The following DAPK1 variants were observed in gnomAD, a reference collection of about 807,000 sequenced individuals.
DAPK1 encodes the protein death-associated protein kinase 1.
In DAPK1, 56 loss-of-function variants were observed where a neutral mutation model predicts 144.9. The observed-to-expected ratio is 0.39, with a 90% CI of 0.31 to 0.48. The LOEUF (loss-of-function observed/expected upper bound fraction) is 0.48. Among genes scored for constraint, DAPK1 ranks in the 20% least tolerant of loss-of-function variants. The pLI, the probability that DAPK1 is intolerant of heterozygous loss-of-function variation, is 0.95. For missense variants in DAPK1, 1,454 were observed against 1,875.4 expected (o/e 0.78, Z 4.15); for synonymous variants, 690 against 749.0 (o/e 0.92, Z 1.29).
At chr9:87,649,304 T>C (rs922616404) in intron 15 of DAPK1, among the ~76,000 whole-genome samples, 7 of 152,176 alleles carry the variant, frequency 4.6e-5, no homozygotes, top group African/African-American at 9.7e-5. Context: ...CTCTCATCGG[T>C]GCATATATGT....
intron 2 of DAPK1, among the ~76,000 whole-genome samples, chr9:87,584,299 T>C (rs2118845217): frequency 6.6e-6 from 1 of 152,342 alleles, no homozygotes; most frequent in African/African-American, 2.4e-5. Flanking sequence ...CTCTTACCAT[T>C]TTTTCTGGCC....
At chr9:87,622,170 T>TC (rs1829318309) in intron 3 of DAPK1, among the ~76,000 whole-genome samples, 1 of 151,888 alleles carries the variant, frequency 6.6e-6, no homozygotes, top group Non-Finnish European at 1.5e-5. Flanking sequence ...TTATGGTACC[T>TC]CCCCCATCCA....
intron 2 of DAPK1, among the ~76,000 whole-genome samples, chr9:87,547,030 G>A (rs1049757465): frequency 6.6e-6 from 1 of 152,122 alleles, no homozygotes; most frequent in African/African-American, 2.4e-5. Context: ...GTTGGCATGC[G>A]CCTATAGTCC....
chr9:87,645,540 ATACC>A (rs2119156421), intron 11 of DAPK1, among the ~76,000 whole-genome samples: 1 of 152,310 alleles, frequency 6.6e-6, no homozygotes, highest in South Asian at 2.1e-4. Context: ...AGTCTGTGTT[ATACC>A]TAAAAATTTT....
chr9:87,531,812 A>G (rs73492351), intron 2 of DAPK1, among the ~76,000 whole-genome samples: 1 of 152,294 alleles, frequency 6.6e-6, no homozygotes, highest in Admixed American at 6.5e-5. Flanking sequence ...ATTGGAATGC[A>G]GGAAGAGAGG....
intron 2 of DAPK1, among the ~76,000 whole-genome samples, chr9:87,504,881 C>G (rs1473768901): frequency 1.3e-5 from 2 of 151,978 alleles, no homozygotes; most frequent in African/African-American, 4.8e-5. Context: ...GGAATAATAA[C>G]CAGAAAAAAA....
intron 11 of DAPK1, among the ~76,000 whole-genome samples, chr9:87,643,740 C>T (rs1830176223): frequency 6.6e-6 from 1 of 152,060 alleles, no homozygotes; most frequent in Admixed American, 6.5e-5. Context: ...AAGCACAGAC[C>T]ACCCCCGCAA....
rs1044826162 is a variant in DAPK1, at chr9:87,659,739, G to A, written c.1923+1612G>A. ...GCAGGAAAAGCGTCTTCTGTCCCCAGGCCCCTCCCACGGTGCCCAGAGCTA... is the reference window on the plus strand; with the variant it reads ...GCAGGAAAAGCGTCTTCTGTCCCCAAGCCCCTCCCACGGTGCCCAGAGCTA... On this transcript the variant is annotated intron_variant, in intron 18 of 25. Transcript: ENST00000408954. 2.6e-5 allele frequency among the ~76,000 whole-genome samples: 4 copies of A among 152,270 alleles called. No homozygotes were observed. The Middle Eastern group carries it at 0.01, about 388-fold the overall frequency.
At chr9:87,601,821 C>T (rs1164704867) in intron 2 of DAPK1, among the ~76,000 whole-genome samples, 2 of 152,154 alleles carry the variant, frequency 1.3e-5, no homozygotes, top group Non-Finnish European at 2.9e-5. Flanking sequence ...ACACAGCTGG[C>T]TTCTAGCCGT....
intron 18 of DAPK1, among the ~76,000 whole-genome samples, chr9:87,666,348 T>G (rs1363860255): frequency 6.6e-6 from 1 of 152,194 alleles, no homozygotes; most frequent in African/African-American, 2.4e-5. Flanking sequence ...AACTGTCTCC[T>G]GCACTGCCAG....
chr9:87,580,788 C>G (rs1207820935), intron 2 of DAPK1, among the ~76,000 whole-genome samples: 1 of 152,216 alleles, frequency 6.6e-6, no homozygotes, highest in African/African-American at 2.4e-5. Flanking sequence ...ATATACGAGT[C>G]TCCCACATAG....
intron 20 of DAPK1, 118 bp downstream of exon 20, chr9:87,681,744 T>TGTGGCC: frequency 1.4e-6 from 1 of 699,364 alleles, no homozygotes; most frequent in Non-Finnish European, 2.6e-6. Context: ...TACTGGACCC[T>TGTGGCC]GTGGCCTTAG....
At chr9:87,598,520 C>T (rs1270890428) in intron 2 of DAPK1, among the ~76,000 whole-genome samples, 1 of 151,976 alleles carries the variant, frequency 6.6e-6, no homozygotes, top group Non-Finnish European at 1.5e-5. Context: ...CAGGTGAGAA[C>T]TTGTTCTAAT....
intron 18 of DAPK1, among the ~76,000 whole-genome samples, chr9:87,665,269 T>G (rs528949329): frequency 6.6e-6 from 1 of 152,200 alleles, no homozygotes; most frequent in Admixed American, 6.5e-5. Context: ...TATTCACTGC[T>G]GTATCCATAG....
chr9:87,547,171 T>C (rs1471879157), intron 2 of DAPK1, among the ~76,000 whole-genome samples: 1 of 152,014 alleles, frequency 6.6e-6, no homozygotes, highest in Admixed American at 6.6e-5. Flanking sequence ...AACAAAAAAA[T>C]TGTAGAAGGC....
intron 3 of DAPK1, among the ~76,000 whole-genome samples, chr9:87,606,510 T>A: frequency 1.2e-5 from 1 of 84,154 alleles, no homozygotes; most frequent in African/African-American, 4.7e-5. Context: ...TCCCTCCCTC[T>A]CTCCTTCCTT....
In DAPK1 at chr9:87,698,195, C is replaced by T. The variant is rs1392610482; in HGVS notation, c.2612-461C>T. On this transcript the variant is annotated intron_variant, in intron 22 of 25. Coordinates refer to ENST00000408954, the MANE Select transcript of DAPK1 (RefSeq NM_004938.4). ...TGGGTACTGCCAGTTTTGCCTCTTT[C>T]TTTGTCCTTTTTTTCCTTTGTTTTA... Among the ~76,000 whole-genome samples, 4 of 152,232 alleles carry T rather than the reference C, an allele frequency of 2.6e-5. No homozygotes were observed. The East Asian group carries it at 7.7e-4, about 29-fold the overall frequency.
intron 3 of DAPK1, among the ~76,000 whole-genome samples, chr9:87,620,322 C>A (rs1364984704): frequency 6.6e-6 from 1 of 152,208 alleles, no homozygotes; most frequent in African/African-American, 2.4e-5. Flanking sequence ...TCCCCTTTTC[C>A]ATCGCTTCCT....
At chr9:87,657,856 A>G in intron 17 of DAPK1, 173 bp from the exon 18 acceptor site, 1 of 617,694 alleles carries the variant, frequency 1.6e-6, no homozygotes, top group Non-Finnish European at 2.9e-6. Context: ...GTACTTGGAA[A>G]GGTTCTGCCT....
Sources: allele counts gnomAD v4.1 joint callset (sites outside exome capture counted in the v4.1 genomes callset), GRCh38; gene constraint gnomAD v4.1.1; transcripts MANE v1.5; gene names NCBI Gene and HGNC (gene_info 2026-07-23, HGNC 2026-07-21).